The following SELENOF variants were observed in gnomAD, a reference collection of about 807,000 sequenced individuals.
SELENOF encodes 15 kDa selenoprotein.
Under a neutral mutation model 20.5 loss-of-function variants are expected in SELENOF, and 16 were observed. That is an observed-to-expected ratio of 0.78 (90% CI 0.53 to 1.19). SELENOF has a LOEUF of 1.19. Ranked by LOEUF, SELENOF falls within the 50% of genes most tolerant of loss-of-function variation. SELENOF has a pLI of 0.00. For missense variants in SELENOF, 215 were observed against 194.2 expected, an observed-to-expected ratio of 1.11 and a Z score of -0.64; for synonymous variants, 78 against 74.5, an observed-to-expected ratio of 1.05 and a Z score of -0.24.
chr1:86,866,198 A>G (rs947126529), intron 4 of SELENOF, among the ~76,000 whole-genome samples: 8 of 125,936 alleles, frequency 6.4e-5, no homozygotes, highest in African/African-American at 1.7e-4. Flanking sequence ...CCATGTCCAA[A>G]AAAAAAAAAA....
At chr1:86,881,211 A>G (rs72945891) in intron 2 of SELENOF, among the ~76,000 whole-genome samples, 3,870 of 152,308 alleles carry the variant, frequency 0.025, 85 homozygotes, top group African/African-American at 0.056. Flanking sequence ...TGGAGATATT[A>G]TAAGAAAAGC....
At chr1:86,912,093 T>A (rs371670820) in intron 1 of SELENOF, among the ~76,000 whole-genome samples, 2 of 152,206 alleles carry the variant, frequency 1.3e-5, no homozygotes, top group Non-Finnish European at 2.9e-5. Flanking sequence ...GCTTGGGCAA[T>A]TGGGAAGCTG....
chr1:86,864,640 CT>C (rs138955916), intron 4 of SELENOF, among the ~76,000 whole-genome samples: 411 of 138,540 alleles, frequency 3.0e-3, no homozygotes, highest in Non-Finnish European at 2.7e-3. Flanking sequence ...GGTCAGGTTA[CT>C]TTTTTTTTTT....
intron 2 of SELENOF, among the ~76,000 whole-genome samples, chr1:86,900,576 T>C (rs1271541174): frequency 1.4e-5 from 2 of 141,886 alleles, no homozygotes; most frequent in African/African-American, 5.3e-5. Context: ...AGGGAGACCG[T>C]GGAAAGAGAG....
At chr1:86,897,647 C>T (rs775178168) in intron 2 of SELENOF, among the ~76,000 whole-genome samples, 1 of 152,152 alleles carries the variant, frequency 6.6e-6, no homozygotes, top group Non-Finnish European at 1.5e-5. Flanking sequence ...TACATAGCTA[C>T]TATGCAGCTA....
intron 2 of SELENOF, among the ~76,000 whole-genome samples, chr1:86,880,943 A>G (rs1032188739): frequency 2.0e-5 from 3 of 152,200 alleles, no homozygotes; most frequent in Non-Finnish European, 4.4e-5. Context: ...CTTCCAACCT[A>G]CTTCAATTAT....
At chr1:86,884,624 A>T (rs1453734646) in intron 2 of SELENOF, among the ~76,000 whole-genome samples, 1 of 152,200 alleles carries the variant, frequency 6.6e-6, no homozygotes, top group East Asian at 1.9e-4. Flanking sequence ...TAATTCCCTG[A>T]TTTAACCAAG....
At chr1:86,887,337 A>C (rs1659246504) in intron 2 of SELENOF, 8 of 1,003,606 alleles carry the variant, frequency 8.0e-6, no homozygotes, top group Non-Finnish European at 1.1e-5. Flanking sequence ...AATACAAAGC[A>C]ATGAGTTTAT....
At chr1:86,874,373 ACACT>A (rs1267026008) in intron 3 of SELENOF, among the ~76,000 whole-genome samples, 1 of 152,238 alleles carries the variant, frequency 6.6e-6, no homozygotes, top group Non-Finnish European at 1.5e-5. Context: ...TTTGTAAATA[ACACT>A]CAGAGTGATC....
chr1:86,866,301 T>C (rs1159217408), intron 4 of SELENOF, among the ~76,000 whole-genome samples: 2 of 133,536 alleles, frequency 1.5e-5, no homozygotes, highest in Non-Finnish European at 3.1e-5. Context: ...AGGAAGGAAA[T>C]CCTGTCACAC....
intron 3 of SELENOF, among the ~76,000 whole-genome samples, chr1:86,879,562 C>A (rs1336023564): frequency 6.6e-6 from 1 of 151,958 alleles, no homozygotes; most frequent in Non-Finnish European, 1.5e-5. Context: ...AATATTAAAT[C>A]CAAAAAATTC....
intron 2 of SELENOF, among the ~76,000 whole-genome samples, chr1:86,901,442 TCAC>T (rs1422259469): frequency 1.3e-5 from 2 of 151,740 alleles, no homozygotes; most frequent in African/African-American, 2.4e-5. Flanking sequence ...AAAAAAAAAT[TCAC>T]CAGTTTTGTG....
chr1:86,899,593 G>A (rs928813614), intron 2 of SELENOF, among the ~76,000 whole-genome samples: 2 of 148,524 alleles, frequency 1.3e-5, no homozygotes, highest in African/African-American at 5.0e-5. Context: ...GCAGGGGGCT[G>A]ACCCCCCAAC....
intron 2 of SELENOF, chr1:86,887,047 G>A (rs1306333201): frequency 2.5e-6 from 3 of 1,217,410 alleles, no homozygotes. Context: ...AATTCTCAGG[G>A]AAAATATTAT....
At chr1:86,864,973 T>A (rs1240489142) in intron 4 of SELENOF, among the ~76,000 whole-genome samples, 2 of 152,086 alleles carry the variant, frequency 1.3e-5, no homozygotes, top group East Asian at 3.9e-4. Flanking sequence ...TTTTTTTTCT[T>A]TTTTGCTTGG....
intron 2 of SELENOF, among the ~76,000 whole-genome samples, chr1:86,890,997 A>C (rs1659369000): frequency 1.3e-5 from 2 of 151,826 alleles, no homozygotes; most frequent in South Asian, 4.1e-4. Flanking sequence ...TTCGTCCAAC[A>C]AACAGAATAT....
chr1:86,896,119 T>C lies in SELENOF; in HGVS notation c.252+7162A>G, dbSNP rs902978348. 5.9e-5 allele frequency among the ~76,000 whole-genome samples: 9 copies of C among 152,176 alleles called. No individual in the cohort carries two copies. The East Asian group carries it at 1.7e-3, about 29-fold the overall frequency. On this transcript the variant is annotated intron_variant, in intron 2 of 4. Coordinates refer to ENST00000331835, the MANE Select transcript of SELENOF (RefSeq NM_004261.5). ...GGCAGGTGCCTGGAATCCCAGCTGC[T>C]TGCGAGGCTGAGGCAGGAGAATCGC...
intron 2 of SELENOF, among the ~76,000 whole-genome samples, chr1:86,898,768 G>T (rs1221431935): frequency 4.2e-4 from 46 of 109,706 alleles, no homozygotes; most frequent in South Asian, 2.3e-3. Flanking sequence ...TTTTTTTTTT[G>T]TTTGTTTGTT....
intron 3 of SELENOF, among the ~76,000 whole-genome samples, chr1:86,880,290 C>A (rs1198889010): frequency 1.3e-5 from 2 of 152,018 alleles, no homozygotes; most frequent in African/African-American, 4.8e-5. Context: ...CACCCGCCAC[C>A]GCGCCCAGCT....
Sources: gnomAD v4.1 joint callset for allele counts (sites outside exome capture counted in the v4.1 genomes callset) on GRCh38, gnomAD v4.1.1 for gene constraint, MANE v1.5 for transcripts, NCBI Gene and HGNC (gene_info 2026-07-23, HGNC 2026-07-21) for gene names.